Variants in AFF1 observed in about 807,000 individuals in gnomAD.
AFF1 encodes the protein ALF transcription elongation factor 1, also known as AF4/FMR2 family member 1.
A neutral mutation model predicts 121.7 loss-of-function variants in AFF1; 48 were observed. That is an observed-to-expected ratio of 0.39 (90% CI 0.31 to 0.50). The LOEUF is 0.50. Among genes scored for constraint, AFF1 ranks in the 20% least tolerant of loss-of-function variants. The pLI, the probability that AFF1 is intolerant of heterozygous loss-of-function variation, is 0.76. For missense variants in AFF1, 1,523 were observed against 1,511.7 expected (o/e 1.01, Z -0.12); for synonymous variants, 613 against 563.0 (o/e 1.09, Z -1.26).
chr4:87,056,601 A>G (rs2149639667), intron 4 of AFF1, among the ~76,000 whole-genome samples: 1 of 152,346 alleles, frequency 6.6e-6, no homozygotes, highest in South Asian at 2.1e-4. Flanking sequence ...CATTCTTACA[A>G]AATGTTTTTT....
At chr4:87,065,472 C>T (rs914113431) in intron 4 of AFF1, among the ~76,000 whole-genome samples, 1 of 150,068 alleles carries the variant, frequency 6.7e-6, no homozygotes, top group East Asian at 2.0e-4. Context: ...TCAAACAAAC[C>T]TAGGGTTTCA....
chr4:86,962,542 A>G (rs1722227585), intron 2 of AFF1, among the ~76,000 whole-genome samples: 1 of 152,154 alleles, frequency 6.6e-6, no homozygotes, highest in Non-Finnish European at 1.5e-5. Flanking sequence ...TTTGAACTTC[A>G]TGATGTTCAT....
chr4:87,021,820 A>G (rs919614876), intron 2 of AFF1, among the ~76,000 whole-genome samples: 1 of 152,192 alleles, frequency 6.6e-6, no homozygotes, highest in Non-Finnish European at 1.5e-5. Context: ...TAGGGGAAAA[A>G]GGGGTTGGGA....
chr4:87,075,572 A>G (rs1485795517), intron 4 of AFF1, among the ~76,000 whole-genome samples: 1 of 152,096 alleles, frequency 6.6e-6, no homozygotes, highest in Non-Finnish European at 1.5e-5. Flanking sequence ...TGCCTGATAT[A>G]CCTACCCTCC....
At chr4:87,020,852 A>G (rs41525049) in intron 2 of AFF1, 181,605 of 982,768 alleles carry the variant, frequency 0.18, 18,111 homozygotes, top group Middle Eastern at 0.21. Context: ...CTGTTTGGCA[A>G]TATTAGTTTT....
chr4:86,980,948 C>CG (rs1723693389), intron 2 of AFF1, among the ~76,000 whole-genome samples: 1 of 65,248 alleles, frequency 1.5e-5, no homozygotes, highest in African/African-American at 6.7e-5. Flanking sequence ...GCTTGAGGCA[C>CG]CCCCCCCCTC....
chr4:86,992,399 C>G (rs1254248905), intron 2 of AFF1, among the ~76,000 whole-genome samples: 1 of 152,194 alleles, frequency 6.6e-6, no homozygotes, highest in Non-Finnish European at 1.5e-5. Context: ...ATTCCTAACA[C>G]CTTCCTTGCC....
intron 2 of AFF1, among the ~76,000 whole-genome samples, chr4:86,969,066 A>T (rs1722736060): frequency 6.6e-6 from 1 of 152,306 alleles, no homozygotes; most frequent in Non-Finnish European, 1.5e-5. Flanking sequence ...CTCTCCACGG[A>T]GCGCCTCCTT....
At chr4:86,942,798 A>G (rs562824471) in intron 1 of AFF1, among the ~76,000 whole-genome samples, 1 of 152,252 alleles carries the variant, frequency 6.6e-6, no homozygotes, top group Non-Finnish European at 1.5e-5. Context: ...GACCATGGCA[A>G]GCATGAAGAC....
At chr4:86,936,899 C>T (rs991959056) in intron 1 of AFF1, among the ~76,000 whole-genome samples, 1 of 152,022 alleles carries the variant, frequency 6.6e-6, no homozygotes, top group Non-Finnish European at 1.5e-5. Context: ...ATAAGTAGTA[C>T]GTAAAACTAG....
intron 4 of AFF1, among the ~76,000 whole-genome samples, chr4:87,072,670 A>G (rs1367660083): frequency 6.6e-6 from 1 of 151,834 alleles, no homozygotes; most frequent in African/African-American, 2.4e-5. Context: ...ACACGCTTGC[A>G]CCACCCACCA....
At chr4:87,043,849 C>T (rs114701347) in intron 2 of AFF1, among the ~76,000 whole-genome samples, 32,581 of 151,624 alleles carry the variant, frequency 0.21, 3,692 homozygotes, top group East Asian at 0.32. Flanking sequence ...GACGGAGTCT[C>T]GCGCTGTTGC....
rs563317193 is a variant in AFF1, at chr4:86,938,908, A to T, written c.-37+3668A>T. Reference sequence around the variant, plus strand: ...GAAAATCAGCTGATTTTCTTAAATTATCTGGCCCATTTTAAACATGACTAA... The same window carrying T: ...GAAAATCAGCTGATTTTCTTAAATTTTCTGGCCCATTTTAAACATGACTAA... On this transcript the variant is annotated intron_variant, in intron 1 of 20. Coordinates refer to ENST00000395146, the MANE Select transcript of AFF1 (RefSeq NM_001166693.3). Among the ~76,000 whole-genome samples the T allele has an allele frequency of 2.2e-4, 33 of 152,374 alleles. 2 individuals are homozygous for T. The East Asian group carries it at 4.0e-3, about 19-fold the overall frequency.
chr4:87,074,416 G>C (rs1352992837), intron 4 of AFF1, among the ~76,000 whole-genome samples: 1 of 152,168 alleles, frequency 6.6e-6, no homozygotes, highest in Non-Finnish European at 1.5e-5. Flanking sequence ...AAGGCACAGT[G>C]TTTTAAAGTC....
chr4:87,126,892 C>T (rs1728301480), intron 14 of AFF1, 134 bp from the exon 15 acceptor site: 1 of 730,048 alleles, frequency 1.4e-6, no homozygotes, highest in Non-Finnish European at 2.3e-6. Context: ...AGTGTTTAGC[C>T]AGGGTAGATT....
chr4:87,129,040 G>A (rs1728567137), intron 16 of AFF1, among the ~76,000 whole-genome samples: 1 of 152,196 alleles, frequency 6.6e-6, no homozygotes, highest in South Asian at 2.1e-4. Flanking sequence ...AGGGAACTTT[G>A]TTTTTAATCT....
chr4:87,128,661 T>G (rs1273221897), intron 16 of AFF1, among the ~76,000 whole-genome samples: 3 of 152,220 alleles, frequency 2.0e-5, no homozygotes, highest in African/African-American at 4.8e-5. Context: ...CTGGTGCTCT[T>G]CAACCCTAAT....
At chr4:87,116,210 AT>A (rs1327238018) in intron 12 of AFF1, among the ~76,000 whole-genome samples, 1 of 152,210 alleles carries the variant, frequency 6.6e-6, no homozygotes, top group Non-Finnish European at 1.5e-5. Context: ...CATTTTATTT[AT>A]TATAATTTTG....
At chr4:87,046,614 T>C (rs1332039357) in intron 3 of AFF1, 81 bp from the exon 4 acceptor site, 3 of 1,418,424 alleles carry the variant, frequency 2.1e-6, no homozygotes, top group Non-Finnish European at 2.9e-6. Context: ...GTTTTTTCCT[T>C]AATAGTATTA....
Sources: allele counts gnomAD v4.1 joint callset (sites outside exome capture counted in the v4.1 genomes callset), GRCh38; gene constraint gnomAD v4.1.1; transcripts MANE v1.5; gene names NCBI Gene and HGNC (gene_info 2026-07-23, HGNC 2026-07-21).